EYS: variants seen among roughly 807,000 people sequenced by gnomAD.
EYS encodes the protein EGF-like photoreceptor maintenance factor, also known as protein eyes shut homolog.
EYS carries 250 observed loss-of-function variants against 282.1 expected under a neutral mutation model. The ratio of observed to expected loss-of-function variants is 0.89; its 90% CI spans 0.80 to 0.98. The LOEUF is 0.98. EYS is among the 50% of genes least tolerant of loss of function. The pLI, the probability that EYS is intolerant of heterozygous loss-of-function variation, is 0.00. For synonymous variants in EYS, 1,355 were observed against 1,282.9 expected (o/e 1.06, Z -1.20); for missense variants, 4,016 against 3,709.0 (o/e 1.08, Z -2.15).
intron 36 of EYS, chr6:63,806,871 T>A (rs1251210506): frequency 6.6e-6 from 1 of 152,226 alleles, no homozygotes. Context: ...AATCGGTCAG[T>A]TTTCTATCAT....
chr6:64,270,903 T>C (rs914283722), intron 30 of EYS, among the ~76,000 whole-genome samples: 4 of 152,166 alleles, frequency 2.6e-5, no homozygotes, highest in Admixed American at 6.5e-5. Flanking sequence ...TTATAACTTA[T>C]AAAAAATGGT....
chr6:65,580,293 C>T (rs1764822096), intron 2 of EYS, among the ~76,000 whole-genome samples: 1 of 152,032 alleles, frequency 6.6e-6, no homozygotes, highest in African/African-American at 2.4e-5. Flanking sequence ...GTTAATTCAA[C>T]TCAGAGAGAA....
At chr6:64,311,590 G>C (rs1251763135) in intron 29 of EYS, among the ~76,000 whole-genome samples, 1 of 152,154 alleles carries the variant, frequency 6.6e-6, no homozygotes, top group Non-Finnish European at 1.5e-5. Context: ...TGGCAAGATG[G>C]CTGAATAGGA....
chr6:63,991,001 T>C (rs1767580038), intron 34 of EYS, among the ~76,000 whole-genome samples: 1 of 151,686 alleles, frequency 6.6e-6, no homozygotes, highest in Non-Finnish European at 1.5e-5. Context: ...AGAGTGTTAA[T>C]GGGACTTGGC....
At chr6:64,660,105 C>A (rs1215937716) in intron 22 of EYS, among the ~76,000 whole-genome samples, 1 of 152,112 alleles carries the variant, frequency 6.6e-6, no homozygotes, top group East Asian at 1.9e-4. Flanking sequence ...TAAACATAAT[C>A]CAGCATATAA....
At chr6:64,374,225 T>TGG (rs1772490716) in intron 29 of EYS, among the ~76,000 whole-genome samples, 1 of 42,922 alleles carries the variant, frequency 2.3e-5, no homozygotes, top group African/African-American at 9.3e-5. Flanking sequence ...GGATGAGTGG[T>TGG]GTGGGGGTTA....
At chr6:65,688,160 T>C (rs1439890410) in intron 1 of EYS, among the ~76,000 whole-genome samples, 1 of 152,146 alleles carries the variant, frequency 6.6e-6, no homozygotes, top group Non-Finnish European at 1.5e-5. Flanking sequence ...GCTGGAGGCA[T>C]CACACTACCT....
intron 29 of EYS, among the ~76,000 whole-genome samples, chr6:64,328,424 G>A (rs1432851601): frequency 6.6e-6 from 1 of 152,142 alleles, no homozygotes; most frequent in Non-Finnish European, 1.5e-5. Context: ...ATGGAATAAA[G>A]GCTGGAGGGA....
chr6:64,886,575 C>G, intron 19 of EYS, 122 bp downstream of exon 19: 2 of 617,432 alleles, frequency 3.2e-6, no homozygotes. Context: ...CAAATTATCT[C>G]TTGACATTTT....
At chr6:64,627,318 C>T (rs752120734) in intron 22 of EYS, among the ~76,000 whole-genome samples, 13 of 152,008 alleles carry the variant, frequency 8.6e-5, no homozygotes, top group African/African-American at 1.2e-4. Flanking sequence ...GCAGAGTATA[C>T]GCAAGGGCAA....
At chr6:65,120,151 C>CAAAAA (rs1170415166) in intron 12 of EYS, among the ~76,000 whole-genome samples, 1,075 of 62,308 alleles carry the variant, frequency 0.017, 73 homozygotes, top group Non-Finnish European at 0.024. Context: ...GACTCCGTCT[C>CAAAAA]AAAAAAAAAA....
At chr6:64,327,083 C>A (rs576077495) in intron 29 of EYS, among the ~76,000 whole-genome samples, 4 of 152,104 alleles carry the variant, frequency 2.6e-5, no homozygotes, top group African/African-American at 9.6e-5. Flanking sequence ...AAGAGAGTCT[C>A]GGGAGAGACC....
At chr6:63,842,911 G>T (rs1478866714) in intron 36 of EYS, among the ~76,000 whole-genome samples, 1 of 152,114 alleles carries the variant, frequency 6.6e-6, no homozygotes, top group East Asian at 1.9e-4. Context: ...AAGATCAGAT[G>T]GTTATACATC....
In EYS at chr6:64,669,619, G is replaced by A. The variant is rs376882285; in HGVS notation, c.3444-43374C>T. The stretch of plus-strand genomic sequence containing the variant: ...TTTATTTTTATTTGTGCAATGGACT[G>A]TGCTTTAATAAGTGCAAATCTCTGC... On this transcript the variant is annotated intron_variant, in intron 22 of 42. Transcript: ENST00000503581. Among the ~76,000 whole-genome samples, 34 of 152,324 alleles carry A rather than the reference G, an allele frequency of 2.2e-4. No individual in the cohort carries two copies. In the East Asian group the frequency reaches 6.6e-3, roughly 29 times the overall value.
chr6:65,031,427 T>A (rs1435871679), intron 13 of EYS, among the ~76,000 whole-genome samples: 1 of 152,022 alleles, frequency 6.6e-6, no homozygotes, highest in East Asian at 1.9e-4. Context: ...ACAGAATATA[T>A]ATTCTTCTCA....
At chr6:65,172,392 T>C (rs913592536) in intron 12 of EYS, among the ~76,000 whole-genome samples, 1 of 151,412 alleles carries the variant, frequency 6.6e-6, no homozygotes, top group African/African-American at 2.4e-5. Context: ...GGGGCATACA[T>C]ACACCAATAA....
intron 30 of EYS, among the ~76,000 whole-genome samples, chr6:64,268,124 AT>A (rs1767820048): frequency 1.3e-5 from 2 of 152,118 alleles, no homozygotes; most frequent in Admixed American, 1.3e-4. Flanking sequence ...CAAATCCATC[AT>A]CATAGGAATG....
chr6:63,786,688 CTTAAAG>C (rs890096924), intron 39 of EYS, among the ~76,000 whole-genome samples: 37 of 150,228 alleles, frequency 2.5e-4, no homozygotes, highest in Admixed American at 3.3e-4. Flanking sequence ...TATCCTAGAA[CTTAAAG>C]TTAAAAAAAA....
chr6:65,041,863 A>G (rs1772947646), intron 13 of EYS, among the ~76,000 whole-genome samples: 1 of 151,468 alleles, frequency 6.6e-6, no homozygotes, highest in Non-Finnish European at 1.5e-5. Context: ...CTGATCTTAC[A>G]GACATCATTA....
Sources: allele counts gnomAD v4.1 joint callset (sites outside exome capture counted in the v4.1 genomes callset), GRCh38; gene constraint gnomAD v4.1.1; transcripts MANE v1.5; gene names NCBI Gene and HGNC (gene_info 2026-07-23, HGNC 2026-07-21).